The following COL15A1 variants were observed in gnomAD, a reference collection of about 807,000 sequenced individuals.
COL15A1 encodes the protein collagen type XV alpha 1 chain.
A neutral mutation model predicts 165.9 loss-of-function variants in COL15A1; 111 were observed. The observed-to-expected ratio is 0.67, with a 90% CI of 0.57 to 0.78. The LOEUF (loss-of-function observed/expected upper bound fraction) is 0.78. Ranked by LOEUF, COL15A1 falls within the 30% of genes least tolerant of loss-of-function variation. The pLI, the probability that COL15A1 is intolerant of heterozygous loss-of-function variation, is 0.00. For missense variants in COL15A1, 1,745 were observed against 1,789.7 expected, an observed-to-expected ratio of 0.98 and a Z score of 0.45; for synonymous variants, 659 against 674.8, an observed-to-expected ratio of 0.98 and a Z score of 0.36.
intron 2 of COL15A1, among the ~76,000 whole-genome samples, chr9:98,959,392 C>T (rs1196793087): frequency 6.6e-6 from 1 of 151,962 alleles, no homozygotes; most frequent in Non-Finnish European, 1.5e-5. Context: ...AGCTACAGTA[C>T]TCTTTCCAAG....
rs1171406361 is a variant in COL15A1 at position 98,978,549 on chromosome 9, G to T, written c.101-7016G>T. 2.0e-5 allele frequency among the ~76,000 whole-genome samples: 3 copies of T among 152,144 alleles called. 1 individual carries two copies. Among genetic ancestry groups the T allele is most frequent in the South Asian group, 4.1e-4 (2 of 4,828 alleles). On this transcript the variant is annotated intron_variant, in intron 2 of 41. Coordinates refer to ENST00000375001, the MANE Select transcript of COL15A1 (RefSeq NM_001855.5). Reference sequence around the variant, plus strand: ...GCAGAGCTCTCAGTAGGGTGTTTGTGGTTTTGTTTTGTTTTTGTCTTTAAA... The same window carrying T: ...GCAGAGCTCTCAGTAGGGTGTTTGTTGTTTTGTTTTGTTTTTGTCTTTAAA...
At chr9:99,040,623 A>G in intron 23 of COL15A1, 67 bp downstream of exon 23, 1 of 1,613,796 alleles carries the variant, frequency 6.2e-7, no homozygotes, top group African/African-American at 1.3e-5. Flanking sequence ...CCTTCCACCT[A>G]GAATGGCATT....
At chr9:98,992,301 C>G (rs954816922) in intron 5 of COL15A1, among the ~76,000 whole-genome samples, 6 of 152,232 alleles carry the variant, frequency 3.9e-5, no homozygotes, top group Non-Finnish European at 7.3e-5. Context: ...GCGGGCCGGT[C>G]GGCAGTGCTG....
Position 99,000,876 on chromosome 9 carries a change from TCATTCTGTGGATGGTGACC to T in COL15A1, c.992_1010del (p.His331ProfsTer21), listed in dbSNP as rs779213341. The T allele has an allele frequency of 6.2e-7, 1 of 1,603,356 alleles. No homozygotes were observed. The stretch of plus-strand genomic sequence containing the variant: ...TCCTGAATGACACACTGGAGGGGGT[TCATTCTGTGGATGGTGACC>T]CCATTACTGACAGCGGCTCAGGGGC... On this transcript the variant is annotated frameshift_variant, in exon 7 of 42. Coordinates refer to ENST00000375001, the MANE Select transcript of COL15A1 (RefSeq NM_001855.5). LOFTEE classifies it high-confidence loss of function.
chr9:99,061,233 T>C (rs1006963027), intron 36 of COL15A1, among the ~76,000 whole-genome samples: 1 of 152,270 alleles, frequency 6.6e-6, no homozygotes, highest in African/African-American at 2.4e-5. Context: ...GTCATTTTGA[T>C]GCACAAAGCC....
intron 34 of COL15A1, among the ~76,000 whole-genome samples, 165 bp from the exon 35 acceptor site, chr9:99,056,095 A>G (rs1391269128): frequency 6.6e-6 from 1 of 152,238 alleles, no homozygotes; most frequent in African/African-American, 2.4e-5. Context: ...CTGGGCTGCC[A>G]TCTTGGAGGC....
At chr9:98,951,781 C>T (rs1191179988) in intron 2 of COL15A1, among the ~76,000 whole-genome samples, 1 of 152,144 alleles carries the variant, frequency 6.6e-6, no homozygotes, top group African/African-American at 2.4e-5. Context: ...TGGTCTAAAA[C>T]TCCTGGCTTC....
intron 28 of COL15A1, among the ~76,000 whole-genome samples, chr9:99,048,806 C>T (rs1839536764): frequency 6.7e-6 from 1 of 149,584 alleles, no homozygotes; most frequent in Non-Finnish European, 1.5e-5. Flanking sequence ...AGATACTATG[C>T]AGGGATCTTG....
At chr9:99,015,295 A>G in intron 9 of COL15A1, 122 bp from the exon 10 acceptor site, 1 of 704,108 alleles carries the variant, frequency 1.4e-6, no homozygotes, top group Admixed American at 2.1e-5. Context: ...GGAGCAAAGG[A>G]AAGGGAATCA....
At chr9:99,061,000 T>A (rs1316994953) in intron 36 of COL15A1, among the ~76,000 whole-genome samples, 1 of 152,244 alleles carries the variant, frequency 6.6e-6, no homozygotes, top group Non-Finnish European at 1.5e-5. Context: ...CCAAAGAACA[T>A]CTCTGGCACA....
At chr9:98,981,180 G>A (rs183341542) in intron 2 of COL15A1, among the ~76,000 whole-genome samples, 13 of 152,262 alleles carry the variant, frequency 8.5e-5, no homozygotes, top group East Asian at 1.9e-4. Flanking sequence ...CAGGCCAGGC[G>A]CGGTGGCTCA....
At chr9:99,030,594 C>T (rs961482961) in intron 16 of COL15A1, among the ~76,000 whole-genome samples, 1 of 152,176 alleles carries the variant, frequency 6.6e-6, no homozygotes, top group Non-Finnish European at 1.5e-5. Context: ...AGACCATAAA[C>T]CAAGGCCCAT....
Position 99,036,309 on chromosome 9 carries a change from C to T in COL15A1, c.2326-4C>T. 6.2e-7 allele frequency: 1 copy of T among 1,614,088 alleles called. No individual in the cohort carries two copies. On this transcript the variant is annotated splice_region_variant and splice_polypyrimidine_tract_variant and intron_variant, in intron 20 of 41. Transcript: ENST00000375001. ...TTTTTCTCACTTCTTGCTGCTTTGA[C>T]CAGGGAGAAAGGGGGATGGATGGAG...
In COL15A1 at chr9:99,069,528, G is replaced by A. The variant is rs1825950532; in HGVS notation, c.3954-145G>A. ...GCAATCTAGTGTGTTAAGAAAGCTA[G>A]CAAGGGCAATGAGGATAGAGAAGTG... On this transcript the variant is annotated intron_variant, in intron 41 of 41. Coordinates refer to ENST00000375001, the MANE Select transcript of COL15A1 (RefSeq NM_001855.5). 8.6e-6 allele frequency: 9 copies of A among 1,047,002 alleles called. 1 individual carries two copies. In the South Asian group the frequency reaches 1.3e-4, roughly 15 times the overall value. 64.9% of individuals were successfully genotyped at this position (1,047,002 alleles called of 1,614,324 possible). A position where few individuals can be genotyped will look rare whatever the true frequency, so the allele number is the denominator to read the frequency against.
intron 2 of COL15A1, among the ~76,000 whole-genome samples, chr9:98,953,284 A>G (rs1311327780): frequency 6.6e-6 from 1 of 152,160 alleles, no homozygotes; most frequent in East Asian, 1.9e-4. Flanking sequence ...CTGACTGATT[A>G]CCTTCTTCTG....
intron 2 of COL15A1, among the ~76,000 whole-genome samples, chr9:98,966,398 G>A (rs78895325): frequency 0.12 from 17,940 of 152,162 alleles, 1,463 homozygotes; most frequent in East Asian, 0.42. Context: ...GGATCTTACC[G>A]TTCTGCTCCT....
intron 9 of COL15A1, among the ~76,000 whole-genome samples, chr9:99,011,315 C>CT (rs1032396089): frequency 2.1e-5 from 3 of 143,370 alleles, no homozygotes; most frequent in East Asian, 2.1e-4. Context: ...CATATGAAAG[C>CT]TTTTTTTTTC....
chr9:98,982,631 A>G (rs1384760131), intron 2 of COL15A1, among the ~76,000 whole-genome samples: 3 of 151,536 alleles, frequency 2.0e-5, no homozygotes, highest in Admixed American at 6.6e-5. Flanking sequence ...GATGATGATG[A>G]TGATGGCTGC....
Position 99,052,491 on chromosome 9 carries a change from T to C in COL15A1, c.2950+58T>C, listed in dbSNP as rs1212163229. Reference sequence around the variant, plus strand: ...TGGGACATCTCCTTGAGGAAGATGGTTTTCCTTTGCCCAGTGCAGGGCGCA... The same window carrying C: ...TGGGACATCTCCTTGAGGAAGATGGCTTTCCTTTGCCCAGTGCAGGGCGCA... On this transcript the variant is annotated intron_variant, in intron 31 of 41. Coordinates refer to ENST00000375001, the MANE Select transcript of COL15A1 (RefSeq NM_001855.5). 3.5e-6 allele frequency: 5 copies of C among 1,418,060 alleles called. No individual in the cohort carries two copies. In the Admixed American group the frequency reaches 6.7e-5, roughly 19 times the overall value. 87.8% of individuals were successfully genotyped at this position (1,418,060 alleles called of 1,614,324 possible). A position where few individuals can be genotyped will look rare whatever the true frequency, so the allele number is the denominator to read the frequency against.
Sources: allele counts gnomAD v4.1 joint callset (sites outside exome capture counted in the v4.1 genomes callset), GRCh38; gene constraint gnomAD v4.1.1; transcripts MANE v1.5; gene names NCBI Gene and HGNC (gene_info 2026-07-23, HGNC 2026-07-21).